The following TTLL9 variants were observed in gnomAD, a reference collection of about 807,000 sequenced individuals.
TTLL9 encodes the protein tubulin tyrosine ligase like 9.
Under a neutral mutation model 65.6 loss-of-function variants are expected in TTLL9, and 47 were observed. The observed-to-expected ratio is 0.72, with a 90% confidence interval of 0.57 to 0.91. The LOEUF is 0.91. Ranked by LOEUF, TTLL9 falls within the 40% of genes least tolerant of loss-of-function variation. The probability of loss-of-function intolerance (pLI) is 0.00; values close to 1 mark genes in which losing one functional copy is unlikely to be tolerated. For synonymous variants in TTLL9, 179 were observed against 204.8 expected (o/e 0.87, Z 1.07); for missense variants, 537 against 568.8 (o/e 0.94, Z 0.57).
intron 7 of TTLL9, among the ~76,000 whole-genome samples, chr20:31,921,201 C>T (rs954755660): frequency 7.9e-5 from 12 of 152,014 alleles, no homozygotes; most frequent in South Asian, 4.2e-4. Context: ...AATTGTGGGC[C>T]GGCAACAGAC....
intron 14 of TTLL9, 118 bp from the exon 15 acceptor site, chr20:31,942,827 G>A: frequency 1.1e-6 from 1 of 923,706 alleles, no homozygotes; most frequent in South Asian, 1.5e-5. Flanking sequence ...TAAACCACAG[G>A]CTGTGTGTGG....
chr20:31,871,870 C>A (rs2062938668), intron 2 of TTLL9, among the ~76,000 whole-genome samples: 1 of 152,128 alleles, frequency 6.6e-6, no homozygotes, highest in South Asian at 2.1e-4. Context: ...AAAGTAGAAA[C>A]AAGTTAATTG....
chr20:31,907,605 C>T (rs2063576566), intron 4 of TTLL9, among the ~76,000 whole-genome samples: 1 of 151,900 alleles, frequency 6.6e-6, no homozygotes, highest in Non-Finnish European at 1.5e-5. Flanking sequence ...CCTGTAATCC[C>T]AGCTACTCGG....
At position 31,923,030 on chromosome 20, in the gene TTLL9, T is replaced by C. The variant is rs1456671554; in HGVS notation, c.641T>C (p.Ile214Thr). The C allele has an allele frequency of 4.3e-6, 7 of 1,613,948 alleles. No individual in the cohort carries two copies. Among genetic ancestry groups the C allele is most frequent in the Admixed American group, 1.7e-5 (1 of 60,024 alleles). ...PVENYVAQRY[I>T]ENPYLIGGRK... ...GAGAACTATGTGGCTCAGCGTTACA[T>C]TGAAAATCCTTACCTGATAGGAGGT... is the stretch of plus-strand genomic sequence containing the variant. The change falls in exon 8 of 15, where the codon ATT becomes ACT. Residue 214 changes from isoleucine (I) to threonine (T), a missense_variant. Physicochemically the swap from Ile to Thr is moderately conservative, Grantham distance 89. Transcript: ENST00000535842.
At chr20:31,927,009 C>G (rs1276414097) in intron 10 of TTLL9, among the ~76,000 whole-genome samples, 1 of 151,832 alleles carries the variant, frequency 6.6e-6, no homozygotes, top group Non-Finnish European at 1.5e-5. Context: ...CAGCTACCCA[C>G]TCAAGTGAGG....
intron 8 of TTLL9, among the ~76,000 whole-genome samples, chr20:31,924,354 C>G (rs1568818852): frequency 6.6e-6 from 1 of 152,170 alleles, no homozygotes; most frequent in African/African-American, 2.4e-5. Flanking sequence ...CTGACCTCAT[C>G]TCCTTCCACT....
rs1343739221 is a variant in TTLL9, at chr20:31,924,199, G to A, written c.665-810G>A. 3.3e-5 allele frequency among the ~76,000 whole-genome samples: 5 copies of A among 151,652 alleles called. No individual in the cohort carries two copies. In the East Asian group the frequency reaches 5.8e-4, roughly 18 times the overall value. ...CTCTTCCTCCTAGACAACCACGCCCGCCCCCTCACTGGTGCCTGCCGCTGC... is the reference window on the plus strand; with the variant it reads ...CTCTTCCTCCTAGACAACCACGCCCACCCCCTCACTGGTGCCTGCCGCTGC... On this transcript the variant is annotated intron_variant, in intron 8 of 14. Coordinates refer to ENST00000535842, the MANE Select transcript of TTLL9 (RefSeq NM_001008409.5).
intron 8 of TTLL9, 98 bp downstream of exon 8, chr20:31,923,151 C>A: frequency 1.1e-6 from 1 of 916,980 alleles, no homozygotes; most frequent in Non-Finnish European, 1.8e-6. Context: ...CCCAGCCTGA[C>A]ACCAGGCATG....
chr20:31,897,435 G>T (rs904806779), intron 3 of TTLL9, among the ~76,000 whole-genome samples: 1 of 152,158 alleles, frequency 6.6e-6, no homozygotes, highest in Admixed American at 6.5e-5. Context: ...CTGACAAATA[G>T]GTTTGTAGAT....
chr20:31,892,005 G>A (rs189630577), intron 3 of TTLL9, among the ~76,000 whole-genome samples: 5 of 151,978 alleles, frequency 3.3e-5, no homozygotes, highest in Admixed American at 1.3e-4. Flanking sequence ...GTTTCACCAT[G>A]TTGGCCAGGC....
chr20:31,921,249 A>G (rs1169581710), intron 7 of TTLL9, among the ~76,000 whole-genome samples: 1 of 152,210 alleles, frequency 6.6e-6, no homozygotes, highest in Non-Finnish European at 1.5e-5. Flanking sequence ...CCATCAGAGA[A>G]ATGCAAATCA....
At chr20:31,922,843 T>C in intron 7 of TTLL9, 120 bp from the exon 8 acceptor site, 1 of 739,804 alleles carries the variant, frequency 1.4e-6, no homozygotes, top group Non-Finnish European at 2.3e-6. Flanking sequence ...CATTAGTACT[T>C]ACCTGACAGG....
intron 4 of TTLL9, among the ~76,000 whole-genome samples, chr20:31,903,313 G>A (rs1216613012): frequency 6.6e-6 from 1 of 152,168 alleles, no homozygotes; most frequent in African/African-American, 2.4e-5. Flanking sequence ...AATATCTATT[G>A]CCCATGTTTA....
chr20:31,879,782 A>G, intron 2 of TTLL9: 1 of 1,540,848 alleles, frequency 6.5e-7, no homozygotes, highest in Non-Finnish European at 8.7e-7. Context: ...ATCCAATCAG[A>G]GCGGCGGATC....
intron 4 of TTLL9, among the ~76,000 whole-genome samples, chr20:31,907,143 G>T (rs2123495000): frequency 6.6e-6 from 1 of 152,314 alleles, no homozygotes. Context: ...GGACTCTGGA[G>T]CCTGAGGCCT....
intron 13 of TTLL9, chr20:31,938,303 C>G (rs1162335315): frequency 1.6e-5 from 7 of 435,706 alleles, no homozygotes; most frequent in South Asian, 1.2e-4. Flanking sequence ...GTGGGGTCAA[C>G]CCCATGTGAG....
chr20:31,893,938 A>T (rs2063346015), intron 3 of TTLL9, among the ~76,000 whole-genome samples: 1 of 151,996 alleles, frequency 6.6e-6, no homozygotes, highest in Non-Finnish European at 1.5e-5. Context: ...GGTTCTGTTC[A>T]TGTATAAATT....
intron 4 of TTLL9, among the ~76,000 whole-genome samples, chr20:31,903,720 C>G (rs563897311): frequency 6.6e-6 from 1 of 152,200 alleles, no homozygotes; most frequent in East Asian, 1.9e-4. Flanking sequence ...TAACTTTAGA[C>G]CTACAGAAAA....
chr20:31,891,797 T>C (rs1206080616), intron 3 of TTLL9, among the ~76,000 whole-genome samples: 1 of 152,242 alleles, frequency 6.6e-6, no homozygotes, highest in Non-Finnish European at 1.5e-5. Context: ...TTTAAGCTGA[T>C]AAATTTTATT....
Sources: gnomAD v4.1 joint callset for allele counts (sites outside exome capture counted in the v4.1 genomes callset) on GRCh38, gnomAD v4.1.1 for gene constraint, MANE v1.5 for transcripts, NCBI Gene and HGNC (gene_info 2026-07-23, HGNC 2026-07-21) for gene names.